The following SLC35F3 variants were observed in gnomAD, a reference collection of about 807,000 sequenced individuals.
SLC35F3 encodes putative thiamine transporter SLC35F3.
Under a neutral mutation model 49.9 loss-of-function variants are expected in SLC35F3, and 25 were observed. That is an observed-to-expected ratio of 0.50 (90% CI 0.37 to 0.70). The LOEUF (loss-of-function observed/expected upper bound fraction) is 0.70. Ranked by LOEUF, SLC35F3 falls within the 30% of genes least tolerant of loss-of-function variation. SLC35F3 has a pLI of 0.00. For missense variants in SLC35F3, 525 were observed against 639.8 expected (o/e 0.82, Z 1.94); for synonymous variants, 275 against 265.4 (o/e 1.04, Z -0.35).
chr1:234,092,605 C>T (rs1304442262), intron 2 of SLC35F3, among the ~76,000 whole-genome samples: 6 of 152,216 alleles, frequency 3.9e-5, no homozygotes, highest in Non-Finnish European at 7.3e-5. Flanking sequence ...TGGCAGTTCA[C>T]ACCTGTAATC....
intron 2 of SLC35F3, among the ~76,000 whole-genome samples, chr1:233,948,402 C>A (rs879826618): frequency 6.6e-6 from 1 of 152,106 alleles, no homozygotes; most frequent in Non-Finnish European, 1.5e-5. Context: ...CCATGTCAAT[C>A]TCAGTGGTTT....
At chr1:234,134,489 A>G (rs1241412992) in intron 2 of SLC35F3, among the ~76,000 whole-genome samples, 1 of 148,712 alleles carries the variant, frequency 6.7e-6, no homozygotes, top group Non-Finnish European at 1.5e-5. Context: ...TATAGATTAT[A>G]TTTGTATATT....
intron 2 of SLC35F3, among the ~76,000 whole-genome samples, chr1:233,967,336 G>A (rs1336471192): frequency 6.6e-6 from 1 of 152,056 alleles, no homozygotes; most frequent in Non-Finnish European, 1.5e-5. Flanking sequence ...AAGATTATTA[G>A]TAAGGATTCT....
chr1:234,267,672 G>T (rs1346909247), intron 3 of SLC35F3, among the ~76,000 whole-genome samples: 1 of 151,494 alleles, frequency 6.6e-6, no homozygotes, highest in African/African-American at 2.4e-5. Context: ...GGCGGCTGCC[G>T]GGCGGAGACG....
intron 2 of SLC35F3, among the ~76,000 whole-genome samples, chr1:233,999,188 C>T (rs1415651192): frequency 6.6e-6 from 1 of 152,176 alleles, no homozygotes; most frequent in African/African-American, 2.4e-5. Context: ...CTGAGACAAG[C>T]TGAGGTCATC....
chr1:234,232,533 A>G (rs1001224098), intron 3 of SLC35F3, among the ~76,000 whole-genome samples: 2 of 151,184 alleles, frequency 1.3e-5, no homozygotes, highest in East Asian at 1.9e-4. Context: ...AAAAAAAAAA[A>G]AAAAAAAGAA....
Position 233,944,663 on chromosome 1 carries a change from G to T in SLC35F3, c.283+38905G>T, listed in dbSNP as rs79644805. 8.4e-3 allele frequency among the ~76,000 whole-genome samples: 1,284 copies of T among 152,274 alleles called. 15 individuals are homozygous for T. The highest frequency in any genetic ancestry group is 0.029 in the African/African-American group (1,196 of 41,540). On this transcript the variant is annotated intron_variant, in intron 2 of 7. Coordinates refer to ENST00000366618, the MANE Select transcript of SLC35F3 (RefSeq NM_173508.4). ...AAGCACACTGACTTCTAGTAAACCA[G>T]GTATTTCTAGAGGAACACAGGATAA...
At chr1:234,003,722 G>T (rs1000400457) in intron 2 of SLC35F3, among the ~76,000 whole-genome samples, 4 of 152,164 alleles carry the variant, frequency 2.6e-5, no homozygotes, top group Non-Finnish European at 5.9e-5. Flanking sequence ...GCTAAGGGAA[G>T]TTGTCATGGA....
intron 2 of SLC35F3, among the ~76,000 whole-genome samples, chr1:234,062,476 G>A (rs9435500): frequency 0.66 from 100,058 of 151,988 alleles, 33,477 homozygotes; most frequent in African/African-American, 0.73. Context: ...GTGGAACCCC[G>A]GAGGGCTCCT....
chr1:234,051,257 C>T (rs1422595679), intron 2 of SLC35F3, among the ~76,000 whole-genome samples: 1 of 152,182 alleles, frequency 6.6e-6, no homozygotes, highest in Non-Finnish European at 1.5e-5. Flanking sequence ...AATATTGATT[C>T]TTCCTATCCA....
chr1:234,050,279 C>G (rs1186208309), intron 2 of SLC35F3, among the ~76,000 whole-genome samples: 1 of 152,212 alleles, frequency 6.6e-6, no homozygotes, highest in East Asian at 1.9e-4. Context: ...TCCTTTTTCT[C>G]CACATCCTCT....
chr1:234,132,304 T>C (rs1036199716), intron 2 of SLC35F3, among the ~76,000 whole-genome samples: 36 of 152,368 alleles, frequency 2.4e-4, no homozygotes, highest in African/African-American at 8.4e-4. Context: ...TATACCATTT[T>C]GTTACATATT....
rs557172697 is a variant in SLC35F3 at position 234,286,822 on chromosome 1, G to A, written c.609-22279G>A. 3.3e-5 allele frequency among the ~76,000 whole-genome samples: 5 copies of A among 152,232 alleles called. No individual in the cohort carries two copies. In the East Asian group the frequency reaches 5.8e-4, roughly 18 times the overall value. On this transcript the variant is annotated intron_variant, in intron 3 of 7. Transcript: ENST00000366618. ...ACTTCTGTCACGACATGACAAAGGC[G>A]GATTTCCTCAAACGTTGTGAGTTTT...
chr1:234,146,950 A>T (rs567753309), intron 2 of SLC35F3, among the ~76,000 whole-genome samples: 13 of 152,366 alleles, frequency 8.5e-5, no homozygotes, highest in Non-Finnish European at 1.5e-4. Flanking sequence ...CTTCAGATTC[A>T]GATGACAGTT....
rs1572152030 is a variant in SLC35F3, at chr1:234,320,254, A to G, written c.1237+67A>G. On this transcript the variant is annotated intron_variant, in intron 7 of 7. Transcript: ENST00000366618. The surrounding 1 kb of genome is among the most constrained non-coding windows in gnomAD (Gnocchi z 4.8). The stretch of plus-strand genomic sequence containing the variant: ...CACTCAGTCACCTACTCACACACAC[A>G]TACACACACTCATGCATACATACAC... 9.0e-7 allele frequency: 1 copy of G among 1,109,584 alleles called. No homozygotes were observed. The highest frequency in any genetic ancestry group is 2.4e-5 in the East Asian group (1 of 42,536). 68.7% of individuals were successfully genotyped at this position (1,109,584 alleles called of 1,614,324 possible). A position where few individuals can be genotyped will look rare whatever the true frequency, so the allele number is the denominator to read the frequency against.
rs377323489 is a variant in SLC35F3, at chr1:234,078,037, G to T, written c.284-153380G>T. Among the ~76,000 whole-genome samples, 18 of 152,230 alleles carry T rather than the reference G, an allele frequency of 1.2e-4. No homozygotes were observed. The East Asian group carries it at 2.1e-3, about 18-fold the overall frequency. On this transcript the variant is annotated intron_variant, in intron 2 of 7. Transcript: ENST00000366618. ...TTCTCTCCTTGACTCCTACTGCAGAGGAAGATGTCCTCCAACTAAGGCCAG... is the reference window on the plus strand; with the variant it reads ...TTCTCTCCTTGACTCCTACTGCAGATGAAGATGTCCTCCAACTAAGGCCAG...
At chr1:234,168,882 CTT>C (rs1330416570) in intron 2 of SLC35F3, among the ~76,000 whole-genome samples, 1 of 152,206 alleles carries the variant, frequency 6.6e-6, no homozygotes, top group African/African-American at 2.4e-5. Flanking sequence ...TCCATCCTCT[CTT>C]GGAGAGAGAT....
intron 2 of SLC35F3, among the ~76,000 whole-genome samples, chr1:234,087,224 A>G (rs1483546405): frequency 1.3e-5 from 2 of 152,316 alleles, no homozygotes; most frequent in East Asian, 3.9e-4. Flanking sequence ...AGTGAGTCAT[A>G]TAAAATAAAC....
intron 2 of SLC35F3, among the ~76,000 whole-genome samples, chr1:234,047,692 CAT>C (rs1664311597): frequency 1.5e-5 from 2 of 137,904 alleles, no homozygotes; most frequent in African/African-American, 6.8e-5. Flanking sequence ...CACACACACA[CAT>C]ACATACACAC....
Sources: gnomAD v4.1 joint callset for allele counts (sites outside exome capture counted in the v4.1 genomes callset) on GRCh38, gnomAD v4.1.1 for gene constraint, Gnocchi (gnomAD v3.1) non-coding constraint, MANE v1.5 for transcripts, NCBI Gene and HGNC (gene_info 2026-07-23, HGNC 2026-07-21) for gene names.